Variants in NEK11 observed in about 807,000 individuals in gnomAD.
NEK11 encodes the protein serine/threonine-protein kinase Nek11.
A neutral mutation model predicts 80.7 loss-of-function variants in NEK11; 72 were observed. The observed-to-expected ratio is 0.89, with a 90% CI of 0.74 to 1.08. The LOEUF is 1.08. Among genes scored for constraint, NEK11 ranks in the 50% least tolerant of loss-of-function variants. The pLI, the probability that NEK11 is intolerant of heterozygous loss-of-function variation, is 0.00. For missense variants in NEK11, 764 were observed against 763.6 expected (o/e 1.00, Z -0.01); for synonymous variants, 251 against 260.7 (o/e 0.96, Z 0.36).
At chr3:131,210,544 C>T (rs1050631351) in intron 14 of NEK11, among the ~76,000 whole-genome samples, 2 of 152,154 alleles carry the variant, frequency 1.3e-5, no homozygotes, top group Non-Finnish European at 1.5e-5. Context: ...CTTTCTGTCT[C>T]ATTGTTCTGC....
At chr3:131,039,142 G>A (rs558397488) in intron 3 of NEK11, among the ~76,000 whole-genome samples, 1 of 152,172 alleles carries the variant, frequency 6.6e-6, no homozygotes, top group Non-Finnish European at 1.5e-5. Context: ...AAAAATGCAA[G>A]AGCAAAATTT....
At chr3:131,072,523 T>C (rs2148935671) in intron 3 of NEK11, among the ~76,000 whole-genome samples, 1 of 152,238 alleles carries the variant, frequency 6.6e-6, no homozygotes, top group East Asian at 1.9e-4. Context: ...GGCCACAATA[T>C]TCGATGACTC....
chr3:131,254,640 T>C (rs539148758), intron 16 of NEK11, among the ~76,000 whole-genome samples: 1 of 152,278 alleles, frequency 6.6e-6, no homozygotes, highest in East Asian at 1.9e-4. Flanking sequence ...TGAAACAACA[T>C]CCAGTTTGGA....
chr3:131,081,002 G>A (rs369186265), intron 4 of NEK11, among the ~76,000 whole-genome samples: 17 of 152,100 alleles, frequency 1.1e-4, no homozygotes, highest in African/African-American at 3.4e-4. Context: ...TCCAGCTAGC[G>A]AAGAGACTGA....
intron 17 of NEK11, among the ~76,000 whole-genome samples, chr3:131,298,497 T>C (rs1435349339): frequency 1.3e-5 from 2 of 152,178 alleles, no homozygotes; most frequent in Non-Finnish European, 2.9e-5. Context: ...GATAAGCAAC[T>C]TCAGCAAAGT....
At chr3:131,257,737 G>C (rs2095842216) in intron 16 of NEK11, among the ~76,000 whole-genome samples, 1 of 152,100 alleles carries the variant, frequency 6.6e-6, no homozygotes, top group African/African-American at 2.4e-5. Context: ...ATGTAAACTA[G>C]TACAACCACT....
intron 14 of NEK11, among the ~76,000 whole-genome samples, chr3:131,202,396 A>G (rs2094272230): frequency 6.6e-6 from 1 of 152,072 alleles, no homozygotes; most frequent in Non-Finnish European, 1.5e-5. Context: ...CCACCTAAAC[A>G]CTGCACTTTT....
At chr3:131,074,800 G>T (rs1044093201) in intron 3 of NEK11, among the ~76,000 whole-genome samples, 1 of 152,170 alleles carries the variant, frequency 6.6e-6, no homozygotes, top group Non-Finnish European at 1.5e-5. Flanking sequence ...TCAAAGAAAG[G>T]TTAGGAATCC....
At chr3:131,115,118 A>G (rs1217005483) in intron 5 of NEK11, among the ~76,000 whole-genome samples, 1 of 152,232 alleles carries the variant, frequency 6.6e-6, no homozygotes, top group Non-Finnish European at 1.5e-5. Flanking sequence ...CAGTGTGGGC[A>G]GGCATCATCC....
intron 14 of NEK11, among the ~76,000 whole-genome samples, chr3:131,201,189 A>G (rs2094211987): frequency 6.7e-6 from 1 of 148,642 alleles, no homozygotes; most frequent in Non-Finnish European, 1.5e-5. Flanking sequence ...AATTATATAT[A>G]TAACTATATA....
At chr3:131,151,649 G>C (rs1560655033) in intron 7 of NEK11, among the ~76,000 whole-genome samples, 1 of 151,498 alleles carries the variant, frequency 6.6e-6, no homozygotes, top group Non-Finnish European at 1.5e-5. Context: ...CATTATTCAG[G>C]AGAAGTGCCA....
At chr3:131,211,570 C>T (rs1258718054) in intron 14 of NEK11, among the ~76,000 whole-genome samples, 1 of 152,220 alleles carries the variant, frequency 6.6e-6, no homozygotes, top group Non-Finnish European at 1.5e-5. Flanking sequence ...TGTTTTCCAA[C>T]TTGGTTCCAT....
intron 4 of NEK11, among the ~76,000 whole-genome samples, chr3:131,088,994 T>A (rs2076374409): frequency 6.6e-6 from 1 of 152,214 alleles, no homozygotes; most frequent in South Asian, 2.1e-4. Context: ...TTCTCCTAAG[T>A]AATGAAACAG....
Position 131,349,987 on chromosome 3 carries a change from T to C in NEK11, c.*211T>C. 1.8e-6 allele frequency: 1 copy of C among 543,860 alleles called. No individual in the cohort carries two copies. Among genetic ancestry groups the C allele is most frequent in the Non-Finnish European group, 3.3e-6 (1 of 306,122 alleles). The allele number at this position is 543,860 out of a possible 1,614,324, so 33.7% of individuals were successfully genotyped here. ...CATAAGTGTTATTTGGACTATACCC[T>C]GAGATAAGCTTATAGATCAAGTTTG... On this transcript the variant is annotated 3_prime_UTR_variant, in exon 18 of 18. Transcript: ENST00000383366.
chr3:131,124,127 A>T (rs1168865467), intron 5 of NEK11, among the ~76,000 whole-genome samples: 1 of 152,204 alleles, frequency 6.6e-6, no homozygotes, highest in Admixed American at 6.5e-5. Flanking sequence ...AAAAGGTAAA[A>T]GGGACATATG....
intron 3 of NEK11, among the ~76,000 whole-genome samples, chr3:131,063,846 A>C (rs1426254366): frequency 2.0e-5 from 3 of 152,210 alleles, no homozygotes; most frequent in Non-Finnish European, 4.4e-5. Flanking sequence ...AAAAGACATA[A>C]AAACATATAT....
chr3:131,170,256 A>AT (rs555248123), intron 13 of NEK11, among the ~76,000 whole-genome samples: 44 of 152,274 alleles, frequency 2.9e-4, no homozygotes, highest in Admixed American at 2.3e-3. Flanking sequence ...TAAACCTTTT[A>AT]TTTTTTTGAA....
At chr3:131,112,858 C>T (rs1413856346) in intron 5 of NEK11, among the ~76,000 whole-genome samples, 3 of 152,060 alleles carry the variant, frequency 2.0e-5, no homozygotes, top group South Asian at 4.1e-4. Flanking sequence ...AAGTTGTTTG[C>T]AAAGGTAGGC....
intron 17 of NEK11, among the ~76,000 whole-genome samples, chr3:131,307,967 C>T (rs2096739251): frequency 6.6e-6 from 1 of 152,148 alleles, no homozygotes; most frequent in Non-Finnish European, 1.5e-5. Context: ...TAAATGTTTG[C>T]TTCTCACTTT....
Sources: gnomAD v4.1 joint callset for allele counts (sites outside exome capture counted in the v4.1 genomes callset) on GRCh38, gnomAD v4.1.1 for gene constraint, MANE v1.5 for transcripts, NCBI Gene and HGNC (gene_info 2026-07-23, HGNC 2026-07-21) for gene names.